MCTP2: variants seen among roughly 807,000 people sequenced by gnomAD.
The protein encoded by MCTP2 is multiple C2 and transmembrane domain containing 2.
MCTP2 carries 132 observed loss-of-function variants against 111.6 expected under a neutral mutation model. That is an observed-to-expected ratio of 1.18 (90% CI 1.03 to 1.37). The LOEUF is 1.37. MCTP2 is among the 40% of genes most tolerant of loss of function. The pLI is 0.00. For synonymous variants in MCTP2, 395 were observed against 387.7 expected, an observed-to-expected ratio of 1.02 and a Z score of -0.22; for missense variants, 1,183 against 1,067.9, an observed-to-expected ratio of 1.11 and a Z score of -1.50.
At chr15:94,387,747 T>C (rs769052558) in intron 14 of MCTP2, among the ~76,000 whole-genome samples, 2 of 152,112 alleles carry the variant, frequency 1.3e-5, no homozygotes, top group Admixed American at 6.5e-5. Flanking sequence ...GAATGTTAGA[T>C]GGTGAAAAGT....
At chr15:94,393,617 C>T (rs1433982318) in intron 14 of MCTP2, among the ~76,000 whole-genome samples, 1 of 152,054 alleles carries the variant, frequency 6.6e-6, no homozygotes, top group Non-Finnish European at 1.5e-5. Flanking sequence ...CAAAAATCGC[C>T]ATCAGATATT....
intron 17 of MCTP2, among the ~76,000 whole-genome samples, chr15:94,421,760 C>G (rs1295270637): frequency 6.6e-6 from 1 of 152,164 alleles, no homozygotes; most frequent in Admixed American, 6.5e-5. Flanking sequence ...GGGTCATCTA[C>G]CTATTTTAAG....
intron 13 of MCTP2, 42 bp downstream of exon 13, chr15:94,384,166 A>C (rs773617679): frequency 7.2e-7 from 1 of 1,393,592 alleles, no homozygotes; most frequent in Non-Finnish European, 1.0e-6. Context: ...CTGTGCTTGG[A>C]AGGTAGTCTG....
intron 13 of MCTP2, among the ~76,000 whole-genome samples, chr15:94,384,697 C>T (rs2080354253): frequency 6.6e-6 from 1 of 152,172 alleles, no homozygotes; most frequent in Non-Finnish European, 1.5e-5. Context: ...AAAATGGTGA[C>T]ATACTGTCCC....
Position 94,480,528 on chromosome 15 carries a change from A to AT in MCTP2, c.*1496dup, listed in dbSNP as rs1485645183. ...CTGGCTGGAAAAGAGCCTTGCAGAA[A>AT]TTATAAAAGCTCCAGTAAATCTCGT... On this transcript the variant is annotated 3_prime_UTR_variant, in exon 23 of 23. Coordinates refer to ENST00000357742, the MANE Select transcript of MCTP2 (RefSeq NM_001385001.1). 6.6e-6 allele frequency: 1 copy of AT among 152,220 alleles called. No individual in the cohort carries two copies. Among genetic ancestry groups the AT allele is most frequent in the Non-Finnish European group, 1.5e-5 (1 of 68,040 alleles). The allele number at this position is 152,220 out of a possible 1,614,324, so 9.4% of individuals were successfully genotyped here.
intron 1 of MCTP2, among the ~76,000 whole-genome samples, chr15:94,244,545 C>G (rs923782016): frequency 6.8e-6 from 1 of 146,108 alleles, no homozygotes; most frequent in African/African-American, 2.6e-5. Flanking sequence ...TATACACATA[C>G]ATATGCACCT....
At chr15:94,413,433 C>T (rs1012363205) in intron 17 of MCTP2, among the ~76,000 whole-genome samples, 2 of 151,682 alleles carry the variant, frequency 1.3e-5, no homozygotes, top group African/African-American at 4.9e-5. Context: ...CATTTTAAGG[C>T]TTCTTTTTTT....
At chr15:94,401,562 C>T (rs928844755) in intron 16 of MCTP2, among the ~76,000 whole-genome samples, 2 of 152,188 alleles carry the variant, frequency 1.3e-5, no homozygotes, top group Non-Finnish European at 1.5e-5. Context: ...AGTTCTCTCT[C>T]TCTCTCTGCC....
Position 94,367,680 on chromosome 15 carries a change from G to A in MCTP2, c.1377G>A (p.Gly459=), listed in dbSNP as rs779361747. Residue 459 remains glycine (G), a synonymous_variant, in exon 11 of 23, where the codon GGG becomes GGA. Transcript: ENST00000357742. Reference sequence around the variant, plus strand: ...AGCTGCCACTGGACAGCTGTCTGGGGGCTCTCCTTATGTTGGTCACACTTA... The same window carrying A: ...AGCTGCCACTGGACAGCTGTCTGGGAGCTCTCCTTATGTTGGTCACACTTA... The part of the protein sequence containing the change: ...CLELPLDSCL[G]ALLMLVTLTP... 1 of 1,612,184 alleles carries A rather than the reference G, an allele frequency of 6.2e-7. No individual in the cohort carries two copies. The highest frequency in any genetic ancestry group is 1.3e-5 in the African/African-American group (1 of 74,810).
At chr15:94,437,684 T>G (rs2083556063) in intron 17 of MCTP2, among the ~76,000 whole-genome samples, 1 of 152,106 alleles carries the variant, frequency 6.6e-6, no homozygotes, top group Non-Finnish European at 1.5e-5. Flanking sequence ...AAGATCATTT[T>G]GAGCGTGTAA....
chr15:94,342,138 C>T (rs1176480759), intron 7 of MCTP2: 1 of 152,016 alleles, frequency 6.6e-6, no homozygotes, highest in South Asian at 2.1e-4. Context: ...TCAAGTGGGG[C>T]TTGTAAAGGT....
At chr15:94,355,994 A>C in intron 8 of MCTP2, 143 bp from the exon 9 acceptor site, 2 of 1,330,676 alleles carry the variant, frequency 1.5e-6, no homozygotes, top group Non-Finnish European at 1.9e-6. Context: ...AGGTTTGCAA[A>C]ACCAATGAAA....
At chr15:94,370,935 A>G (rs575692601) in intron 12 of MCTP2, among the ~76,000 whole-genome samples, 9 of 152,314 alleles carry the variant, frequency 5.9e-5, no homozygotes, top group Admixed American at 4.6e-4. Context: ...CATGGTTTTT[A>G]AAAATATATA....
rs2079272718 is a variant in MCTP2 at position 94,367,758 on chromosome 15, C to A, written c.1455C>A (p.Asp485Glu). ...VSDLCVCPLA[D>E]LSERKQITQR... ...ATCTGTGTGTCTGCCCCTTAGCAGA[C>A]CTCAGCGAAAGAAAGCAGATTACCC... The change falls in exon 11 of 23, where the codon GAC (aspartate) becomes GAA (glutamate). Residue 485 changes from aspartate to glutamate, a missense_variant. Transcript: ENST00000357742. The A allele has an allele frequency of 1.2e-6, 2 of 1,605,538 alleles. No homozygotes were observed. The highest frequency in any genetic ancestry group is 1.7e-4 in the Middle Eastern group (1 of 6,020).
chr15:94,438,285 T>G (rs1440336427), intron 17 of MCTP2, among the ~76,000 whole-genome samples: 1 of 152,114 alleles, frequency 6.6e-6, no homozygotes, highest in Non-Finnish European at 1.5e-5. Flanking sequence ...TTAAAATATT[T>G]GCAGAATGAT....
At position 94,481,843 on chromosome 15, in the gene MCTP2, TCTGC is replaced by T. The variant is rs1308406770; in HGVS notation, c.*2812_*2815del. On this transcript the variant is annotated 3_prime_UTR_variant, in exon 23 of 23. Coordinates refer to ENST00000357742, the MANE Select transcript of MCTP2 (RefSeq NM_001385001.1). ...AGGTCGTAGAGATTATTTTTCTTTC[TCTGC>T]CTTTTCATGTGCTGCTTTCAGAACA... The T allele has an allele frequency of 2.6e-5, 4 of 152,266 alleles. No homozygotes were observed. Among genetic ancestry groups the T allele is most frequent in the Non-Finnish European group, 5.9e-5 (4 of 68,054 alleles). The allele number at this position is 152,266 out of a possible 1,614,324, so 9.4% of individuals were successfully genotyped here. A position where few individuals can be genotyped will look rare whatever the true frequency, so the allele number is the denominator to read the frequency against.
intron 4 of MCTP2, 146 bp from the exon 5 acceptor site, chr15:94,339,144 T>G (rs2077508645): frequency 1.9e-6 from 1 of 525,068 alleles, no homozygotes; most frequent in Admixed American, 3.4e-5. Flanking sequence ...TTCTTTCATA[T>G]CTCCCTGTCT....
chr15:94,344,316 C>T (rs1038724069), intron 7 of MCTP2, among the ~76,000 whole-genome samples: 2 of 152,110 alleles, frequency 1.3e-5, no homozygotes, highest in Admixed American at 6.5e-5. Flanking sequence ...GGTCATTTAC[C>T]TAAAGGTATT....
At chr15:94,393,384 A>G (rs1567611295) in intron 14 of MCTP2, among the ~76,000 whole-genome samples, 1 of 152,238 alleles carries the variant, frequency 6.6e-6, no homozygotes, top group African/African-American at 2.4e-5. Flanking sequence ...CATTGAGGAA[A>G]TGATAAACTA....
Sources: gnomAD v4.1 joint callset for allele counts (sites outside exome capture counted in the v4.1 genomes callset) on GRCh38, gnomAD v4.1.1 for gene constraint, MANE v1.5 for transcripts, NCBI Gene and HGNC (gene_info 2026-07-23, HGNC 2026-07-21) for gene names.